The following TRARG1 variants were observed in gnomAD, a reference collection of about 807,000 sequenced individuals.
TRARG1 encodes the protein trafficking regulator of GLUT4 1.
TRARG1 carries 16 observed loss-of-function variants against 13.3 expected under a neutral mutation model. The ratio of observed to expected loss-of-function variants is 1.20; its 90% CI spans 0.81 to 1.83. The LOEUF is 1.83. Ranked by LOEUF, TRARG1 falls within the 40% of genes most tolerant of loss-of-function variation. The pLI, the probability that TRARG1 is intolerant of heterozygous loss-of-function variation, is 0.00. For synonymous variants in TRARG1, 113 were observed against 106.2 expected (o/e 1.06, Z -0.39); for missense variants, 250 against 237.4 (o/e 1.05, Z -0.35).
rs2072029744 is a variant in TRARG1, at chr17:1,286,944, C to G, written c.387+6556C>G. Reference sequence around the variant, plus strand: ...CCCAGACATGCATATCAGGTCAACCCAAGTCTGAGGATGGCAGAGTTGCTG... The same window carrying G: ...CCCAGACATGCATATCAGGTCAACCGAAGTCTGAGGATGGCAGAGTTGCTG... On this transcript the variant is annotated intron_variant, in intron 1 of 2. Transcript: ENST00000333813. Among the ~76,000 whole-genome samples, 9 of 149,604 alleles carry G rather than the reference C, an allele frequency of 6.0e-5. No homozygotes were observed. In the Admixed American group the frequency reaches 6.1e-4, roughly 10 times the overall value.
intron 1 of TRARG1, among the ~76,000 whole-genome samples, chr17:1,284,539 A>G (rs1034700122): frequency 2.6e-5 from 4 of 152,210 alleles, no homozygotes; most frequent in African/African-American, 9.6e-5. Context: ...ACAGGGCCAG[A>G]GGTGGCTCTG....
chr17:1,300,878 G>A lies in TRARG1; in HGVS notation c.*2614G>A, dbSNP rs1242685280. The stretch of plus-strand genomic sequence containing the variant: ...ACGCACTAACCCAGCCTCTCCCTGT[G>A]TCCCACAGGGAGTAGCAAGACCCAC... On this transcript the variant is annotated 3_prime_UTR_variant, in exon 3 of 3. Coordinates refer to ENST00000333813, the MANE Select transcript of TRARG1 (RefSeq NM_172367.3). The A allele has an allele frequency of 6.6e-6, 1 of 152,282 alleles. No homozygotes were observed. The highest frequency in any genetic ancestry group is 1.9e-4 in the East Asian group (1 of 5,194). 9.4% of individuals were successfully genotyped at this position (152,282 alleles called of 1,614,324 possible).
chr17:1,287,027 G>C (rs113576960), intron 1 of TRARG1, among the ~76,000 whole-genome samples: 11 of 151,944 alleles, frequency 7.2e-5, no homozygotes, highest in Non-Finnish European at 1.6e-4. Flanking sequence ...ATGACACATC[G>C]AAGGGTTGGG....
At chr17:1,282,243 C>CACGTATATGT (rs201317242) in intron 1 of TRARG1, among the ~76,000 whole-genome samples, 1 of 93,266 alleles carries the variant, frequency 1.1e-5, no homozygotes, top group East Asian at 4.4e-4. Flanking sequence ...TACGTATATG[C>CACGTATATGT]ACGTATATGT....
At chr17:1,296,486 C>T (rs184192837) in intron 2 of TRARG1, among the ~76,000 whole-genome samples, 30 of 148,260 alleles carry the variant, frequency 2.0e-4, no homozygotes, top group African/African-American at 7.2e-4. Context: ...TGAGCCGCCA[C>T]GCCCAGCCCA....
Position 1,280,258 on chromosome 17 carries a change from C to T in TRARG1, c.257C>T (p.Ala86Val), listed in dbSNP as rs372635148. Residue 86 changes from alanine to valine, a missense_variant, in exon 1 of 3, where the codon GCG becomes GTG. By Grantham distance (64) the Ala-to-Val change is moderately conservative. Coordinates refer to ENST00000333813, the MANE Select transcript of TRARG1 (RefSeq NM_172367.3). ...RSPSRASSRR[A>V]SSIATTSYAQ... ...CCCTCCCGGGCCAGCTCAAGGAGGG[C>T]GTCCTCCATCGCCACCACCTCCTAT... 2.8e-5 allele frequency: 45 copies of T among 1,614,076 alleles called. No homozygotes were observed. In the East Asian group the frequency reaches 4.5e-4, roughly 16 times the overall value.
At chr17:1,288,461 T>C (rs989907845) in intron 1 of TRARG1, among the ~76,000 whole-genome samples, 173 of 23,944 alleles carry the variant, frequency 7.2e-3, no homozygotes, top group Middle Eastern at 0.045. Flanking sequence ...CACGGGTTCC[T>C]CATCCCCCAC....
At chr17:1,290,457 G>A (rs921262700) in intron 1 of TRARG1, among the ~76,000 whole-genome samples, 6 of 152,052 alleles carry the variant, frequency 3.9e-5, no homozygotes, top group South Asian at 2.1e-4. Flanking sequence ...CACCACGCCC[G>A]GCTAATTTTT....
At chr17:1,291,401 G>A (rs928945757) in intron 1 of TRARG1, among the ~76,000 whole-genome samples, 5 of 152,288 alleles carry the variant, frequency 3.3e-5, no homozygotes, top group South Asian at 2.1e-4. Flanking sequence ...GTGAGCCACC[G>A]CGCCTACCAA....
intron 2 of TRARG1, among the ~76,000 whole-genome samples, chr17:1,296,636 C>G (rs1469555692): frequency 6.6e-6 from 1 of 151,726 alleles, no homozygotes; most frequent in Non-Finnish European, 1.5e-5. Context: ...CTCAGCCTCT[C>G]GAGTAGCTGG....
intron 1 of TRARG1, among the ~76,000 whole-genome samples, chr17:1,294,410 G>A (rs907060271): frequency 8.6e-5 from 13 of 151,092 alleles, no homozygotes; most frequent in Non-Finnish European, 2.9e-5. Flanking sequence ...CGGGAAGTGG[G>A]CTTGATTGAA....
chr17:1,284,323 G>A (rs558104276), intron 1 of TRARG1, among the ~76,000 whole-genome samples: 2 of 152,256 alleles, frequency 1.3e-5, no homozygotes, highest in South Asian at 4.1e-4. Flanking sequence ...TTTGCATGTC[G>A]TCTTCAAGCG....
chr17:1,297,055 A>T (rs1336895637), intron 2 of TRARG1, among the ~76,000 whole-genome samples: 1 of 152,116 alleles, frequency 6.6e-6, no homozygotes, highest in Non-Finnish European at 1.5e-5. Context: ...TCTTCCTTTC[A>T]TACACGTACA....
intron 1 of TRARG1, among the ~76,000 whole-genome samples, chr17:1,282,505 G>A (rs1377539677): frequency 2.6e-5 from 4 of 151,080 alleles, no homozygotes; most frequent in East Asian, 3.9e-4. Flanking sequence ...TGAGTAGCTG[G>A]GATTACAGGA....
intron 1 of TRARG1, among the ~76,000 whole-genome samples, chr17:1,290,146 G>T (rs1598192532): frequency 6.6e-6 from 1 of 152,026 alleles, no homozygotes; most frequent in Non-Finnish European, 1.5e-5. Flanking sequence ...CTTTGAAACT[G>T]TCTGCTCTCA....
Position 1,288,348 on chromosome 17 carries a change from T to TTCACCATCCCCCATGGGC in TRARG1, c.388-7141_388-7140insACCATCCCCCATGGGCTC, listed in dbSNP as rs1567930572. On this transcript the variant is annotated intron_variant, in intron 1 of 2. Transcript: ENST00000333813. The stretch of plus-strand genomic sequence containing the variant: ...CCACGGGCTCCTCATCCCCCACGGG[T>TTCACCATCCCCCATGGGC]TCCCCATCCCCCATGGGCTCCCCAT... Among the ~76,000 whole-genome samples, 5 of 30,626 alleles carry TTCACCATCCCCCATGGGC rather than the reference T, an allele frequency of 1.6e-4. No individual in the cohort carries two copies. The Admixed American group carries it at 2.2e-3, about 13-fold the overall frequency. 20.1% of individuals were successfully genotyped at this position (30,626 alleles called of 152,430 possible).
chr17:1,298,202 G>A, intron 2 of TRARG1, 49 bp from the exon 3 acceptor site: 1 of 1,612,704 alleles, frequency 6.2e-7, no homozygotes, highest in East Asian at 2.2e-5. Flanking sequence ...GACTTGAAGA[G>A]CCAGTGTTCT....
chr17:1,282,261 T>TGTACGTATAG (rs2071985895), intron 1 of TRARG1, among the ~76,000 whole-genome samples: 1 of 142,154 alleles, frequency 7.0e-6, no homozygotes, highest in African/African-American at 3.0e-5. Flanking sequence ...TGTACGTATA[T>TGTACGTATAG]GTACATATAT....
chr17:1,285,620 G>T (rs560513284), intron 1 of TRARG1, among the ~76,000 whole-genome samples: 2 of 152,052 alleles, frequency 1.3e-5, no homozygotes, highest in South Asian at 2.1e-4. Context: ...CAGGAGAATC[G>T]CTTGAACCAG....
Sources: gnomAD v4.1 joint callset for allele counts (sites outside exome capture counted in the v4.1 genomes callset) on GRCh38, gnomAD v4.1.1 for gene constraint, MANE v1.5 for transcripts, NCBI Gene and HGNC (gene_info 2026-07-23, HGNC 2026-07-21) for gene names.